The following CFAP119 variants were observed in gnomAD, a reference collection of about 807,000 sequenced individuals.
CFAP119 encodes the protein cilia- and flagella-associated protein 119.
chr16:30,761,867 A>C, the CFAP119 span: 2 of 996,628 alleles, frequency 2.0e-6, no homozygotes, highest in Non-Finnish European at 2.8e-6. Context: ...CGGCCAATCT[A>C]CGCGCGGAGA....
the CFAP119 span, chr16:30,759,778 C>A: frequency 6.4e-7 from 1 of 1,554,218 alleles, no homozygotes; most frequent in Non-Finnish European, 8.7e-7. Flanking sequence ...TCCATTCATT[C>A]ACTTCACTCA....
At chr16:30,759,026 G>C in the CFAP119 span, 2 of 1,614,196 alleles carry the variant, frequency 1.2e-6, no homozygotes, top group South Asian at 2.2e-5. Flanking sequence ...CTCTGGCTCT[G>C]GTGGGGCCAC....
the CFAP119 span, chr16:30,760,547 C>T: frequency 6.3e-7 from 1 of 1,591,620 alleles, no homozygotes; most frequent in East Asian, 2.3e-5. Context: ...CTCATGTTTT[C>T]CCAACCTGAC....
At chr16:30,759,646 G>A in the CFAP119 span, 1 of 1,614,032 alleles carries the variant, frequency 6.2e-7, no homozygotes, top group Non-Finnish European at 8.5e-7. Flanking sequence ...TGTTCCAGGG[G>A]AACTGACCCT....
At chr16:30,761,592 C>CCGT in the CFAP119 span, 11 of 1,536,062 alleles carry the variant, frequency 7.2e-6, no homozygotes, top group East Asian at 1.5e-4. Context: ...GCCGCCGCCG[C>CCGT]CGTCGTCCAC....
chr16:30,757,430 A>C, the CFAP119 span: 1 of 1,588,810 alleles, frequency 6.3e-7, no homozygotes, highest in East Asian at 2.2e-5. Flanking sequence ...GGGTGCAGGG[A>C]TGGTGCCATT....
At chr16:30,760,181 T>C in the CFAP119 span, 34 of 1,603,848 alleles carry the variant, frequency 2.1e-5, no homozygotes, top group Middle Eastern at 6.6e-4. Flanking sequence ...AATAATGACA[T>C]ATTCCAGGCA....
the CFAP119 span, chr16:30,759,762 C>G: frequency 1.9e-6 from 3 of 1,573,120 alleles, no homozygotes; most frequent in Non-Finnish European, 2.6e-6. Flanking sequence ...GAGGCCCTCT[C>G]TGGTATCCAT....
At chr16:30,757,874 C>T in the CFAP119 span, 2 of 1,319,188 alleles carry the variant, frequency 1.5e-6, no homozygotes, top group Non-Finnish European at 2.0e-6. Flanking sequence ...GATCCCTACT[C>T]AGTAGCTGTG....
the CFAP119 span, chr16:30,759,955 C>T: frequency 1.4e-6 from 2 of 1,446,994 alleles, no homozygotes; most frequent in Non-Finnish European, 1.8e-6. Flanking sequence ...AGCTTATATT[C>T]TAGGGGAATA....
the CFAP119 span, chr16:30,759,183 T>G: frequency 1.2e-6 from 2 of 1,614,178 alleles, no homozygotes; most frequent in Non-Finnish European, 8.5e-7. Context: ...CTTACCCGTC[T>G]CACTCTCTGG....
chr16:30,759,180 G>C, the CFAP119 span: 1 of 1,614,124 alleles, frequency 6.2e-7, no homozygotes, highest in Non-Finnish European at 8.5e-7. Context: ...TCCCTTACCC[G>C]TCTCACTCTC....
At chr16:30,760,923 A>AG in the CFAP119 span, 2 of 612,396 alleles carry the variant, frequency 3.3e-6, no homozygotes, top group Admixed American at 5.7e-5. Context: ...ACCTTGGTCA[A>AG]GTACTCCCTG....
chr16:30,760,474 G>A, the CFAP119 span: 1 of 1,613,160 alleles, frequency 6.2e-7, no homozygotes, highest in Non-Finnish European at 8.5e-7. Context: ...AGAGAGGAGT[G>A]AGTGACAACT....
the CFAP119 span, chr16:30,760,167 T>A: frequency 6.3e-7 from 1 of 1,595,418 alleles, no homozygotes; most frequent in East Asian, 2.3e-5. Flanking sequence ...ATGATGATGC[T>A]ACTAATAATG....
At chr16:30,760,674 A>G in the CFAP119 span, 2 of 1,523,974 alleles carry the variant, frequency 1.3e-6, no homozygotes, top group Middle Eastern at 1.7e-4. Context: ...ACTTCCTGTT[A>G]TAGTAAAAGA....
the CFAP119 span, chr16:30,760,534 T>C: frequency 1.2e-6 from 2 of 1,603,192 alleles, no homozygotes; most frequent in Non-Finnish European, 1.7e-6. Context: ...GAGTCAGCCA[T>C]TCCTCATGTT....
the CFAP119 span, chr16:30,760,387 G>A: frequency 6.2e-7 from 1 of 1,614,202 alleles, no homozygotes; most frequent in Non-Finnish European, 8.5e-7. Context: ...GGCAGAAGAG[G>A]TCCAGGGTGA....
the CFAP119 span, chr16:30,760,012 G>C: frequency 2.7e-6 from 4 of 1,475,376 alleles, no homozygotes; most frequent in African/African-American, 2.8e-5. Flanking sequence ...TGAAGCAAGA[G>C]CTATTAAACA....
Sources: gnomAD v4.1 joint callset for allele counts on GRCh38, gnomAD v4.1.1 for gene constraint, MANE v1.5 for transcripts, NCBI Gene and HGNC (gene_info 2026-07-23, HGNC 2026-07-21) for gene names.